FBLIM1: variants seen among roughly 807,000 people sequenced by gnomAD.
The protein encoded by FBLIM1 is filamin-binding LIM protein 1.
A neutral mutation model predicts 37.4 loss-of-function variants in FBLIM1; 29 were observed. The ratio of observed to expected loss-of-function variants is 0.77; its 90% CI spans 0.58 to 1.06. The LOEUF is 1.06. Ranked by LOEUF, FBLIM1 falls within the 50% of genes least tolerant of loss-of-function variation. FBLIM1 has a pLI of 0.00. For missense variants in FBLIM1, 449 were observed against 505.6 expected (o/e 0.89, Z 1.07); for synonymous variants, 193 against 199.0 (o/e 0.97, Z 0.25).
At position 15,765,294 on chromosome 1, in the gene FBLIM1, C is replaced by A. The variant is rs375352892; in HGVS notation, c.250+61C>A. 1.6e-5 allele frequency: 24 copies of A among 1,538,914 alleles called. No individual in the cohort carries two copies. Among genetic ancestry groups the A allele is most frequent in the Admixed American group, 1.4e-4 (7 of 49,716 alleles). On this transcript the variant is annotated intron_variant, in intron 3 of 8. Transcript: ENST00000375766. The surrounding 1 kb of genome is among the most constrained non-coding windows in gnomAD (Gnocchi z 5.9). ...AGAGGCAGAGGTGGGGAGGAAAGGG[C>A]AGGCTCCAGCGTCATTCATTCATTC...
At chr1:15,776,212 G>A (rs1015904421) in intron 7 of FBLIM1, among the ~76,000 whole-genome samples, 3 of 151,440 alleles carry the variant, frequency 2.0e-5, no homozygotes, top group African/African-American at 4.9e-5. Flanking sequence ...AGCCGAGATC[G>A]CACCACTGCA....
chr1:15,760,060 C>T (rs533282401), intron 1 of FBLIM1, among the ~76,000 whole-genome samples: 12 of 151,402 alleles, frequency 7.9e-5, no homozygotes, highest in African/African-American at 2.9e-4. Context: ...CCCGTCTCTA[C>T]TAAAAATACA....
rs572890075 is a variant in FBLIM1 at position 15,770,440 on chromosome 1, C to G, written c.573C>G (p.Ser191=). The part of the protein sequence containing the change: ...DICAFCHKTV[S]PRELAVEAMK... ...GTGCCTTCTGCCACAAGACCGTGTC[C>G]CCCCGAGAGCTGGCTGTGGAGGCCA... Residue 191 remains serine, a synonymous_variant, in exon 6 of 9, where the codon TCC becomes TCG. Transcript: ENST00000375766. 69 of 1,613,568 alleles carry G rather than the reference C, an allele frequency of 4.3e-5. No individual in the cohort carries two copies. In the South Asian group the frequency reaches 7.4e-4, roughly 17 times the overall value.
rs551781005 is a variant in FBLIM1 at position 15,774,658 on chromosome 1, G to A, written c.752G>A (p.Arg251Gln). Reference sequence around the variant, plus strand: ...TGCGGCAAGTGTGGCGAGGTGGTCCGGGACCACATCATCAGGGCCCTGGGC... The same window carrying A: ...TGCGGCAAGTGTGGCGAGGTGGTCCAGGACCACATCATCAGGGCCCTGGGC... ...ERCGKCGEVV[R>Q]DHIIRALGQA... Residue 251 changes from arginine (R) to glutamine (Q), a missense_variant, in exon 7 of 9, where the codon CGG becomes CAG. Transcript: ENST00000375766. The A allele has an allele frequency of 2.5e-5, 41 of 1,614,008 alleles. No homozygotes were observed. Among genetic ancestry groups the A allele is most frequent in the South Asian group, 1.3e-4 (12 of 91,074 alleles).
intron 8 of FBLIM1, among the ~76,000 whole-genome samples, chr1:15,778,220 C>G (rs988725345): frequency 6.6e-6 from 1 of 150,604 alleles, no homozygotes; most frequent in Non-Finnish European, 1.5e-5. Flanking sequence ...GGATGCTGGA[C>G]AGATCCACAC....
intron 3 of FBLIM1, 105 bp from the exon 4 acceptor site, chr1:15,767,271 C>A: frequency 9.4e-7 from 1 of 1,061,384 alleles, no homozygotes; most frequent in Non-Finnish European, 1.3e-6. Context: ...GGGGTGATCC[C>A]GACCGGGGCC....
chr1:15,760,405 C>T (rs1222925849), intron 1 of FBLIM1, among the ~76,000 whole-genome samples: 1 of 152,000 alleles, frequency 6.6e-6, no homozygotes, highest in African/African-American at 2.4e-5. Context: ...TGGCGTGTGC[C>T]TGTGGTCCCA....
intron 3 of FBLIM1, among the ~76,000 whole-genome samples, chr1:15,766,854 A>G (rs1025180433): frequency 6.7e-6 from 1 of 150,340 alleles, no homozygotes; most frequent in Non-Finnish European, 1.5e-5. Flanking sequence ...CAGTCCCCCA[A>G]AGTGCTGGGA....
chr1:15,773,237 C>G (rs1202960288), intron 6 of FBLIM1, among the ~76,000 whole-genome samples: 1 of 148,044 alleles, frequency 6.8e-6, no homozygotes, highest in Non-Finnish European at 1.5e-5. Context: ...AATACAAAAA[C>G]TAGCCAGGCA....
At position 15,765,063 on chromosome 1, in the gene FBLIM1, C is replaced by T. The variant is rs1185829200; in HGVS notation, c.80C>T (p.Ala27Val). The change falls in exon 3 of 9, where the codon GCG (alanine) becomes GTG (valine). Residue 27 changes from alanine to valine, a missense_variant. Coordinates refer to ENST00000375766, the MANE Select transcript of FBLIM1 (RefSeq NM_017556.4). This position sits in a 1 kb window ranked among gnomAD's most constrained non-coding sequence, Gnocchi z 5.9. ...LAPPRRDVAV[A>V]EEVRQAVCEA... ...CCCCCGCGCCGCGATGTGGCCGTGG[C>T]GGAGGAAGTGAGGCAGGCAGTTTGT... is the stretch of plus-strand genomic sequence containing the variant. The T allele has an allele frequency of 8.1e-6, 13 of 1,613,924 alleles. No individual in the cohort carries two copies. The highest frequency in any genetic ancestry group is 6.7e-5 in the East Asian group (3 of 44,878).
chr1:15,774,838 G>C (rs1469803233), intron 7 of FBLIM1, 42 bp downstream of exon 7: 1 of 1,613,708 alleles, frequency 6.2e-7, no homozygotes, highest in Non-Finnish European at 8.5e-7. Flanking sequence ...GCAGGGACAG[G>C]GCGAGACCCA....
rs2069148617 is a variant in FBLIM1, at chr1:15,770,479, C to A, written c.612C>A (p.Tyr204Ter). The change falls in exon 6 of 9, where the codon TAC becomes TAA. Residue 204 changes from tyrosine to a stop codon, truncating the protein, a stop_gained. Transcript: ENST00000375766. LOFTEE classifies it high-confidence loss of function. ...CTGTGGAGGCCATGAAGAGGCAGTA[C>A]CATGCCCAGTGCTTCACGTGCCGCA... ...ELAVEAMKRQ[Y>*]HAQCFTCRTC... 1 of 1,613,798 alleles carries A rather than the reference C, an allele frequency of 6.2e-7. No homozygotes were observed. The highest frequency in any genetic ancestry group is 8.5e-7 in the Non-Finnish European group (1 of 1,179,986).
At chr1:15,760,317 G>GT (rs2068606976) in intron 1 of FBLIM1, among the ~76,000 whole-genome samples, 1 of 151,976 alleles carries the variant, frequency 6.6e-6, no homozygotes, top group African/African-American at 2.4e-5. Context: ...ATCACTTGAG[G>GT]TCAGGAGTTT....
intron 1 of FBLIM1, among the ~76,000 whole-genome samples, chr1:15,761,943 T>C (rs1254045659): frequency 6.6e-6 from 1 of 152,166 alleles, no homozygotes; most frequent in African/African-American, 2.4e-5. Flanking sequence ...ATGTGCTCAC[T>C]GGACTCCCAG....
chr1:15,773,524 C>A (rs1004042675), intron 6 of FBLIM1, among the ~76,000 whole-genome samples: 1 of 150,266 alleles, frequency 6.7e-6, no homozygotes, highest in African/African-American at 2.4e-5. Flanking sequence ...ACTAAAAATA[C>A]AAAAAATTAG....
chr1:15,761,620 C>T (rs190325054), intron 1 of FBLIM1, among the ~76,000 whole-genome samples: 9 of 152,296 alleles, frequency 5.9e-5, no homozygotes, highest in African/African-American at 2.2e-4. Flanking sequence ...CCTAAGCATA[C>T]GTACTTCCAG....
intron 6 of FBLIM1, among the ~76,000 whole-genome samples, chr1:15,773,655 AT>A (rs1464885672): frequency 7.0e-6 from 1 of 142,760 alleles, no homozygotes; most frequent in Non-Finnish European, 1.5e-5. Context: ...CTTCAGCCTG[AT>A]TGACAAGAGC....
chr1:15,760,954 C>T (rs567299347), intron 1 of FBLIM1, among the ~76,000 whole-genome samples: 1 of 152,142 alleles, frequency 6.6e-6, no homozygotes, highest in East Asian at 1.9e-4. Context: ...ATGGGATTGA[C>T]AGGGCTTTGA....
At chr1:15,770,279 T>C in intron 5 of FBLIM1, 130 bp from the exon 6 acceptor site, 1 of 934,406 alleles carries the variant, frequency 1.1e-6, no homozygotes, top group Non-Finnish European at 1.6e-6. Context: ...CATGACCCTC[T>C]GTATTTGTCA....
Sources: gnomAD v4.1 joint callset for allele counts (sites outside exome capture counted in the v4.1 genomes callset) on GRCh38, gnomAD v4.1.1 for gene constraint, Gnocchi (gnomAD v3.1) non-coding constraint, MANE v1.5 for transcripts, NCBI Gene and HGNC (gene_info 2026-07-23, HGNC 2026-07-21) for gene names.